Variants in CPNE4 observed in about 807,000 individuals in gnomAD.
CPNE4 encodes the protein copine-4.
A neutral mutation model predicts 67.9 loss-of-function variants in CPNE4; 25 were observed. That is an observed-to-expected ratio of 0.37 (90% confidence interval 0.27 to 0.51). The LOEUF is 0.51. CPNE4 is among the 20% of genes least tolerant of loss of function. The pLI, the probability that CPNE4 is intolerant of heterozygous loss-of-function variation, is 0.93. For missense variants in CPNE4, 464 were observed against 690.8 expected (o/e 0.67, Z 3.68); for synonymous variants, 242 against 244.9 (o/e 0.99, Z 0.11).
At chr3:132,012,173 G>GTTTTTT (rs10663165) in intron 1 of CPNE4, among the ~76,000 whole-genome samples, 1 of 136,154 alleles carries the variant, frequency 7.3e-6, no homozygotes, top group Non-Finnish European at 1.5e-5. Flanking sequence ...TTGCTTTTTC[G>GTTTTTT]TTTTTTTTTT....
intron 2 of CPNE4, among the ~76,000 whole-genome samples, chr3:131,783,411 G>GT: frequency 6.6e-6 from 1 of 152,220 alleles, no homozygotes; most frequent in South Asian, 2.1e-4. Context: ...TAAAGCAGTT[G>GT]TAACACTTGG....
At chr3:131,925,743 C>T (rs1007362057) in intron 1 of CPNE4, among the ~76,000 whole-genome samples, 2 of 152,174 alleles carry the variant, frequency 1.3e-5, no homozygotes, top group Admixed American at 6.5e-5. Flanking sequence ...GTAGGATGCA[C>T]TAAGACACTC....
chr3:131,905,551 T>G (rs2088715503), intron 1 of CPNE4, 107 bp from the exon 2 acceptor site: 3 of 936,014 alleles, frequency 3.2e-6, no homozygotes, highest in Non-Finnish European at 3.2e-6. Flanking sequence ...GACACACAGT[T>G]TCAAACATTG....
intron 2 of CPNE4, among the ~76,000 whole-genome samples, chr3:131,782,790 G>T (rs2083460165): frequency 1.3e-5 from 2 of 152,064 alleles, no homozygotes; most frequent in South Asian, 2.1e-4. Context: ...AAAAGAAAAT[G>T]ATAAAATCCA....
intron 7 of CPNE4, among the ~76,000 whole-genome samples, chr3:131,652,489 C>T (rs759202227): frequency 6.6e-6 from 1 of 152,070 alleles, no homozygotes; most frequent in Non-Finnish European, 1.5e-5. Flanking sequence ...AATTTTTAAA[C>T]AGGAACTAGA....
Position 132,034,891 on chromosome 3 carries a change from G to A in CPNE4, c.-326C>T. The stretch of plus-strand genomic sequence containing the variant: ...CTCGGAGAGTAAAGAGGAGGGTACT[G>A]AGAAAAGAGGGAGGGAGTGGAGTGG... On this transcript the variant is annotated 5_prime_UTR_variant, in exon 1 of 16. Coordinates refer to ENST00000429747, the MANE Select transcript of CPNE4 (RefSeq NM_130808.3). 3.0e-6 allele frequency: 3 copies of A among 985,442 alleles called. No homozygotes were observed. The highest frequency in any genetic ancestry group is 3.6e-6 in the Non-Finnish European group (3 of 829,970). The allele number at this position is 985,442 out of a possible 1,614,324, so 61.0% of individuals were successfully genotyped here. A position where few individuals can be genotyped will look rare whatever the true frequency, so the allele number is the denominator to read the frequency against.
chr3:131,946,948 T>A (rs2071568442), intron 1 of CPNE4, among the ~76,000 whole-genome samples: 1 of 152,206 alleles, frequency 6.6e-6, no homozygotes, highest in African/African-American at 2.4e-5. Context: ...GCACCATTTG[T>A]TGAAGAGTCT....
At chr3:131,943,189 C>T (rs935858395) in intron 1 of CPNE4, among the ~76,000 whole-genome samples, 1 of 152,130 alleles carries the variant, frequency 6.6e-6, no homozygotes, top group African/African-American at 2.4e-5. Context: ...ACCTTGCAAT[C>T]AAAAACATTT....
At chr3:131,623,098 A>G (rs1940563239) in intron 7 of CPNE4, among the ~76,000 whole-genome samples, 1 of 152,178 alleles carries the variant, frequency 6.6e-6, no homozygotes. Flanking sequence ...GAGACTACAA[A>G]GAGTTAATAT....
chr3:131,607,236 T>C (rs1939562954), intron 7 of CPNE4, among the ~76,000 whole-genome samples: 1 of 151,394 alleles, frequency 6.6e-6, no homozygotes, highest in East Asian at 2.0e-4. Flanking sequence ...GACACACATT[T>C]GCAAGATGGA....
At chr3:131,685,485 A>C (rs1309937961) in intron 6 of CPNE4, among the ~76,000 whole-genome samples, 1 of 151,776 alleles carries the variant, frequency 6.6e-6, no homozygotes, top group Non-Finnish European at 1.5e-5. Context: ...ATCTACAGAC[A>C]TTAAGAAGTA....
intron 2 of CPNE4, among the ~76,000 whole-genome samples, chr3:131,798,819 A>G (rs1056277789): frequency 1.3e-5 from 2 of 152,166 alleles, no homozygotes; most frequent in African/African-American, 4.8e-5. Context: ...TATTCTGTTA[A>G]TATGGTATTA....
At chr3:131,698,107 C>T (rs1241053981) in intron 4 of CPNE4, among the ~76,000 whole-genome samples, 6 of 151,040 alleles carry the variant, frequency 4.0e-5, no homozygotes, top group Admixed American at 6.6e-5. Flanking sequence ...TGGTGGTGGG[C>T]GCCTGTAGTC....
intron 3 of CPNE4, among the ~76,000 whole-genome samples, chr3:131,700,915 TA>T (rs1467558659): frequency 6.6e-6 from 1 of 151,626 alleles, no homozygotes; most frequent in East Asian, 1.9e-4. Context: ...TATGCAGCCA[TA>T]AAAAAGGATG....
chr3:131,841,446 G>A (rs1171095764), intron 2 of CPNE4, among the ~76,000 whole-genome samples: 1 of 152,226 alleles, frequency 6.6e-6, no homozygotes, highest in Non-Finnish European at 1.5e-5. Context: ...GAGGTGAGCA[G>A]AGGGCAAGTA....
At chr3:131,723,160 A>G (rs1357769749) in intron 3 of CPNE4, among the ~76,000 whole-genome samples, 1 of 152,216 alleles carries the variant, frequency 6.6e-6, no homozygotes, top group Admixed American at 6.5e-5. Flanking sequence ...AGTGCCAGAC[A>G]CATAAGTGCT....
At chr3:131,819,565 G>A (rs142015078) in intron 2 of CPNE4, among the ~76,000 whole-genome samples, 37 of 151,750 alleles carry the variant, frequency 2.4e-4, no homozygotes, top group Non-Finnish European at 5.3e-4. Context: ...GCATGAATAT[G>A]TATAATTAGA....
intron 2 of CPNE4, among the ~76,000 whole-genome samples, chr3:131,826,233 C>T (rs1038136693): frequency 3.3e-5 from 5 of 152,010 alleles, no homozygotes; most frequent in African/African-American, 1.2e-4. Flanking sequence ...CTCACTGTGT[C>T]ACCCAGGCTG....
intron 1 of CPNE4, among the ~76,000 whole-genome samples, chr3:131,946,508 T>C (rs2071556427): frequency 6.6e-6 from 1 of 152,188 alleles, no homozygotes; most frequent in African/African-American, 2.4e-5. Flanking sequence ...GTAGTCAACA[T>C]CTTTTTATGT....
Sources: allele counts gnomAD v4.1 joint callset (sites outside exome capture counted in the v4.1 genomes callset), GRCh38; gene constraint gnomAD v4.1.1; transcripts MANE v1.5; gene names NCBI Gene and HGNC (gene_info 2026-07-23, HGNC 2026-07-21).